The following DLAT variants were observed in gnomAD, a reference collection of about 807,000 sequenced individuals.
The protein encoded by DLAT is dihydrolipoyllysine-residue acetyltransferase component of pyruvate dehydrogenase complex, mitochondrial.
DLAT carries 43 observed loss-of-function variants against 68.0 expected under a neutral mutation model. The observed-to-expected ratio is 0.63, with a 90% confidence interval of 0.50 to 0.81. DLAT has a LOEUF of 0.81. Ranked by LOEUF, DLAT falls within the 40% of genes least tolerant of loss-of-function variation. DLAT has a pLI of 0.00. For missense variants in DLAT, 745 were observed against 815.4 expected (o/e 0.91, Z 1.05); for synonymous variants, 265 against 288.6 (o/e 0.92, Z 0.83).
intron 4 of DLAT, among the ~76,000 whole-genome samples, chr11:112,031,740 AT>A (rs35661701): frequency 0.047 from 6,294 of 133,472 alleles, 204 homozygotes; most frequent in African/African-American, 0.098. Flanking sequence ...TGCCCAGCTA[AT>A]TTTTTTTTTT....
At position 112,062,856 on chromosome 11, in the gene DLAT, A is replaced by G; in HGVS notation, c.*321A>G. 3.0e-6 allele frequency: 1 copy of G among 334,892 alleles called. No individual in the cohort carries two copies. The highest frequency in any genetic ancestry group is 5.8e-6 in the Non-Finnish European group (1 of 173,602). The allele number at this position is 334,892 out of a possible 1,614,324, so 20.7% of individuals were successfully genotyped here. A position where few individuals can be genotyped will look rare whatever the true frequency, so the allele number is the denominator to read the frequency against. On this transcript the variant is annotated 3_prime_UTR_variant, in exon 14 of 14. Coordinates refer to ENST00000280346, the MANE Select transcript of DLAT (RefSeq NM_001931.5). ...ACGATAGGTAGAATTGTGGTTCCCT[A>G]AAGACAAGTACATAAAGGTGACCCT... is the stretch of plus-strand genomic sequence containing the variant.
chr11:112,062,702 C>T lies in DLAT; in HGVS notation c.*167C>T, dbSNP rs142746877. On this transcript the variant is annotated 3_prime_UTR_variant, in exon 14 of 14. Coordinates refer to ENST00000280346, the MANE Select transcript of DLAT (RefSeq NM_001931.5). The stretch of plus-strand genomic sequence containing the variant: ...GGGCATTACTGAATTTTTAAAATGC[C>T]GATTACACCCAAATATTGTGCACAT... 2,206 of 737,002 alleles carry T rather than the reference C, an allele frequency of 3.0e-3. 35 individuals are homozygous for T. The East Asian group carries it at 0.033, about 11-fold the overall frequency. 45.7% of individuals were successfully genotyped at this position (737,002 alleles called of 1,614,324 possible). A position where few individuals can be genotyped will look rare whatever the true frequency, so the allele number is the denominator to read the frequency against.
chr11:112,040,791 G>A (rs587761775), intron 7 of DLAT, among the ~76,000 whole-genome samples: 2 of 152,178 alleles, frequency 1.3e-5, no homozygotes, highest in African/African-American at 2.4e-5. Flanking sequence ...AGGGAGAAAG[G>A]ACTGGGTTAA....
At chr11:112,028,275 C>T (rs925861292) in intron 2 of DLAT, among the ~76,000 whole-genome samples, 3 of 151,908 alleles carry the variant, frequency 2.0e-5, no homozygotes, top group Middle Eastern at 3.2e-3. Context: ...AAAAATCAGC[C>T]GGGCATGGCA....
At chr11:112,033,554 G>C in intron 5 of DLAT, 24 bp downstream of exon 5, 1 of 1,612,532 alleles carries the variant, frequency 6.2e-7, no homozygotes, top group Non-Finnish European at 8.5e-7. Context: ...AGCTCTTAAT[G>C]GTTGAGGCAC....
At chr11:112,025,954 G>A (rs1343236789) in intron 1 of DLAT, among the ~76,000 whole-genome samples, 1 of 152,192 alleles carries the variant, frequency 6.6e-6, no homozygotes, top group Non-Finnish European at 1.5e-5. Context: ...TTCAAGACTG[G>A]GGCTGTATGC....
intron 5 of DLAT, among the ~76,000 whole-genome samples, chr11:112,035,090 T>A (rs1431846260): frequency 6.6e-6 from 1 of 152,164 alleles, no homozygotes; most frequent in Admixed American, 6.6e-5. Flanking sequence ...TGCTTCATAA[T>A]CACCACCAAA....
intron 2 of DLAT, among the ~76,000 whole-genome samples, chr11:112,027,156 G>A (rs1236784477): frequency 0.011 from 1,628 of 149,788 alleles, 29 homozygotes; most frequent in African/African-American, 0.038. Flanking sequence ...GGTGGCTGCC[G>A]GGCGGAGGGG....
In DLAT at chr11:112,034,466, G is replaced by A. The variant is rs1555180216; in HGVS notation, c.787+936G>A. Among the ~76,000 whole-genome samples the A allele has an allele frequency of 4.8e-5, 7 of 145,288 alleles. No individual in the cohort carries two copies. The South Asian group carries it at 1.3e-3, about 26-fold the overall frequency. ...TTATTATTTTTTTTTTTTTTGAGAC[G>A]GAGTCTCGCTGTGTTGCCCAGGCTG... On this transcript the variant is annotated intron_variant, in intron 5 of 13. Transcript: ENST00000280346.
At chr11:112,025,951 CTG>C (rs1429826795) in intron 1 of DLAT, among the ~76,000 whole-genome samples, 200 bp downstream of exon 1, 1 of 152,224 alleles carries the variant, frequency 6.6e-6, no homozygotes, top group Admixed American at 6.5e-5. Context: ...AGCTTCAAGA[CTG>C]GGGCTGTATG....
intron 4 of DLAT, among the ~76,000 whole-genome samples, chr11:112,032,989 A>T (rs1555180087): frequency 6.6e-6 from 1 of 152,158 alleles, no homozygotes; most frequent in Non-Finnish European, 1.5e-5. Context: ...ACTTGAAACC[A>T]GGAGGTGGAG....
At chr11:112,039,460 G>A in intron 7 of DLAT, 63 bp downstream of exon 7, 1 of 1,535,010 alleles carries the variant, frequency 6.5e-7, no homozygotes, top group Non-Finnish European at 9.0e-7. Context: ...TCCTCCTTAA[G>A]ACTTGCAAGT....
In DLAT at chr11:112,036,395, T is replaced by C. The variant is rs1340765673; in HGVS notation, c.788-878T>C. ...TGCCTGGCTAATTTTGTATTTTTAG[T>C]AGAGACGGGGTTTCTCCACGTTGGT... On this transcript the variant is annotated intron_variant, in intron 5 of 13. Coordinates refer to ENST00000280346, the MANE Select transcript of DLAT (RefSeq NM_001931.5). Among the ~76,000 whole-genome samples, 4 of 151,280 alleles carry C rather than the reference T, an allele frequency of 2.6e-5. No homozygotes were observed. In the East Asian group the frequency reaches 5.9e-4, roughly 22 times the overall value.
At chr11:112,055,392 C>T (rs112189431) in intron 11 of DLAT, among the ~76,000 whole-genome samples, 6,331 of 151,578 alleles carry the variant, frequency 0.042, 431 homozygotes, top group African/African-American at 0.14. Context: ...TACAGGTGTG[C>T]ACCACCACGC....
Position 112,028,802 on chromosome 11 carries a change from A to G in DLAT, c.517A>G (p.Ile173Val). ...CTTTCTCTTCCTTAGGCCTGAGGAT[A>G]TTGAGGCCTTTAAAAATTATACACT... ...ICITVGKPED[I>V]EAFKNYTLDS... The change falls in exon 4 of 14, where the codon ATT becomes GTT. Residue 173 changes from isoleucine (I) to valine (V), a missense_variant. Coordinates refer to ENST00000280346, the MANE Select transcript of DLAT (RefSeq NM_001931.5). 6.2e-7 allele frequency: 1 copy of G among 1,614,102 alleles called. No individual in the cohort carries two copies. The highest frequency in any genetic ancestry group is 8.5e-7 in the Non-Finnish European group (1 of 1,179,974).
rs782069601 is a variant in DLAT at position 112,060,083 on chromosome 11, GCTTT to G, written c.1677+21_1677+24del. On this transcript the variant is annotated intron_variant, in intron 12 of 13. Transcript: ENST00000280346. ...AATTCCAGGTAGGGTATTAATTATTGCTTTCTAATTATGTTATTTTTAAGGTTTG... is the reference window on the plus strand; with the variant it reads ...AATTCCAGGTAGGGTATTAATTATTGCTAATTATGTTATTTTTAAGGTTTG... 51 of 1,605,524 alleles carry G rather than the reference GCTTT, an allele frequency of 3.2e-5. No homozygotes were observed. Among genetic ancestry groups the G allele is most frequent in the Non-Finnish European group, 1.1e-5 (13 of 1,174,384 alleles).
At position 112,051,162 on chromosome 11, in the gene DLAT, C is replaced by A; in HGVS notation, c.1399-72C>A. 1 of 1,055,800 alleles carries A rather than the reference C, an allele frequency of 9.5e-7. No homozygotes were observed. The highest frequency in any genetic ancestry group is 1.4e-6 in the Non-Finnish European group (1 of 709,266). The allele number at this position is 1,055,800 out of a possible 1,614,324, so 65.4% of individuals were successfully genotyped here. ...ATATAATAAACCTGGACATTCTGCA[C>A]ATGCACCCTGAAACTTAAAATTAAA... On this transcript the variant is annotated intron_variant, in intron 10 of 13. Transcript: ENST00000280346. This position sits in a 1 kb window ranked among gnomAD's most constrained non-coding sequence, Gnocchi z 4.3.
At chr11:112,030,859 T>C (rs1555179901) in intron 4 of DLAT, among the ~76,000 whole-genome samples, 2 of 152,266 alleles carry the variant, frequency 1.3e-5, no homozygotes, top group African/African-American at 4.8e-5. Context: ...TTCTACTCCA[T>C]GGTCTGTTAG....
chr11:112,041,610 C>T (rs912434853), intron 7 of DLAT, among the ~76,000 whole-genome samples: 1 of 152,148 alleles, frequency 6.6e-6, no homozygotes, highest in Non-Finnish European at 1.5e-5. Context: ...TGGCCAGGCG[C>T]AATGGCTCAC....
Sources: gnomAD v4.1 joint callset for allele counts (sites outside exome capture counted in the v4.1 genomes callset) on GRCh38, gnomAD v4.1.1 for gene constraint, Gnocchi (gnomAD v3.1) non-coding constraint, MANE v1.5 for transcripts, NCBI Gene and HGNC (gene_info 2026-07-23, HGNC 2026-07-21) for gene names.